The following AGAP1 variants were observed in gnomAD, a reference collection of about 807,000 sequenced individuals.
The protein encoded by AGAP1 is ArfGAP with GTPase domain, ankyrin repeat and PH domain 1.
AGAP1 carries 29 observed loss-of-function variants against 105.3 expected under a neutral mutation model. The observed-to-expected ratio is 0.28, with a 90% confidence interval of 0.21 to 0.38. The LOEUF (loss-of-function observed/expected upper bound fraction) is 0.38. Ranked by LOEUF, AGAP1 falls within the 10% of genes least tolerant of loss-of-function variation. The pLI is 1.00. For missense variants in AGAP1, 998 were observed against 1,165.1 expected, an observed-to-expected ratio of 0.86 and a Z score of 2.09; for synonymous variants, 509 against 485.9, an observed-to-expected ratio of 1.05 and a Z score of -0.63.
chr2:235,516,521 T>A (rs1942394749), intron 1 of AGAP1, among the ~76,000 whole-genome samples: 1 of 152,152 alleles, frequency 6.6e-6, no homozygotes, highest in Non-Finnish European at 1.5e-5. Context: ...AGCCTCTGTT[T>A]CCTCTAGCTT....
chr2:235,816,152 A>G (rs1464729293), intron 9 of AGAP1, among the ~76,000 whole-genome samples: 1 of 152,198 alleles, frequency 6.6e-6, no homozygotes, highest in African/African-American at 2.4e-5. Context: ...TGAAAGAAAG[A>G]TACAGCTGGG....
At chr2:235,698,172 C>T (rs116065647) in intron 1 of AGAP1, among the ~76,000 whole-genome samples, 4,829 of 152,178 alleles carry the variant, frequency 0.032, 270 homozygotes, top group African/African-American at 0.11. Context: ...GGAGCTTGCA[C>T]TCCTGTGAGA....
chr2:236,099,324 G>A (rs559988538), intron 16 of AGAP1, among the ~76,000 whole-genome samples: 9 of 151,834 alleles, frequency 5.9e-5, no homozygotes, highest in African/African-American at 1.2e-4. Flanking sequence ...GCGTGGTGGC[G>A]AGCGCCTGTA....
At chr2:235,704,990 T>C (rs1442945487) in intron 1 of AGAP1, among the ~76,000 whole-genome samples, 31 of 109,030 alleles carry the variant, frequency 2.8e-4, no homozygotes, top group Non-Finnish European at 5.3e-4. Flanking sequence ...TTTTTTTTTT[T>C]TTTTTTGCGA....
intron 12 of AGAP1, among the ~76,000 whole-genome samples, chr2:235,954,416 C>T (rs1263218679): frequency 2.0e-5 from 3 of 151,804 alleles, no homozygotes; most frequent in Admixed American, 6.6e-5. Flanking sequence ...CTCATAGGCA[C>T]GGTGGTTTGT....
At chr2:235,807,355 C>T (rs1957889339) in intron 9 of AGAP1, 24 bp downstream of exon 9, 4 of 1,566,630 alleles carry the variant, frequency 2.6e-6, no homozygotes, top group South Asian at 1.2e-5. Flanking sequence ...CCATCCTTCC[C>T]TCCCTGTCGC....
intron 16 of AGAP1, among the ~76,000 whole-genome samples, chr2:236,117,885 C>A (rs975005564): frequency 3.3e-5 from 5 of 152,002 alleles, no homozygotes; most frequent in Non-Finnish European, 5.9e-5. Flanking sequence ...GTGTTTTTGC[C>A]CGAGTGGGGT....
rs7587505 is a variant in AGAP1 at position 236,050,044 on chromosome 2, G to A, written c.2114+763G>A. On this transcript the variant is annotated intron_variant, in intron 16 of 17. Coordinates refer to ENST00000304032, the MANE Select transcript of AGAP1 (RefSeq NM_001037131.3). This position sits in a 1 kb window ranked among gnomAD's most constrained non-coding sequence, Gnocchi z 4.0. ...CTCATTTTCACCCACAATAGGAAGT[G>A]GGAGGTTGAGGTTTGCTGTCCGTGT... Among the ~76,000 whole-genome samples, 90,636 of 152,078 alleles carry A rather than the reference G, an allele frequency of 0.6. 29,508 individuals are homozygous for A. Among genetic ancestry groups the A allele is most frequent in the African/African-American group, 0.87 (36,016 of 41,502 alleles).
rs1944186608 is a variant in AGAP1, at chr2:235,562,423, G to A, written c.163+67574G>A. On this transcript the variant is annotated intron_variant, in intron 1 of 17. Coordinates refer to ENST00000304032, the MANE Select transcript of AGAP1 (RefSeq NM_001037131.3). ...CCTCTTGTGTGTTTTGGGGCAGAGC[G>A]CCCTGTTCCTGAATAGCACGGATTG... is the stretch of plus-strand genomic sequence containing the variant. Among the ~76,000 whole-genome samples the A allele has an allele frequency of 3.9e-5, 6 of 152,158 alleles. 1 individual carries two copies. In the South Asian group the frequency reaches 8.3e-4, roughly 21 times the overall value.
At chr2:235,797,419 A>G (rs762802434) in intron 6 of AGAP1, among the ~76,000 whole-genome samples, 2 of 151,954 alleles carry the variant, frequency 1.3e-5, no homozygotes, top group African/African-American at 4.8e-5. Flanking sequence ...ACGTTTGTGC[A>G]TTTCAGGCAA....
At chr2:235,771,321 C>T (rs115705104) in intron 6 of AGAP1, among the ~76,000 whole-genome samples, 166 of 152,320 alleles carry the variant, frequency 1.1e-3, no homozygotes, top group African/African-American at 3.8e-3. Context: ...CTCCAGGCTG[C>T]GCCATAGGTG....
rs2054124514 is a variant in AGAP1 at position 235,960,229 on chromosome 2, G to C, written c.1484-8233G>C. Among the ~76,000 whole-genome samples, 1 of 152,160 alleles carries C rather than the reference G, an allele frequency of 6.6e-6. No homozygotes were observed. Among genetic ancestry groups the C allele is most frequent in the South Asian group, 2.1e-4 (1 of 4,826 alleles). On this transcript the variant is annotated intron_variant, in intron 12 of 17. Transcript: ENST00000304032. The surrounding 1 kb of genome is among the most constrained non-coding windows in gnomAD (Gnocchi z 4.9). ...GGTGCTTTGCACACGTCAGTTACTC[G>C]AGTCATAGCCTCCTGAGGACGACTG...
chr2:235,837,185 A>G (rs565094947), intron 9 of AGAP1, among the ~76,000 whole-genome samples: 2 of 152,238 alleles, frequency 1.3e-5, no homozygotes, highest in East Asian at 3.9e-4. Flanking sequence ...GGCTTTCTCT[A>G]TGTTGGTCAG....
At position 235,508,587 on chromosome 2, in the gene AGAP1, C is replaced by T. The variant is rs142229806; in HGVS notation, c.163+13738C>T. Among the ~76,000 whole-genome samples the T allele has an allele frequency of 7.9e-4, 120 of 152,220 alleles. 1 individual carries two copies. The highest frequency in any genetic ancestry group is 5.0e-3 in the South Asian group (24 of 4,828). ...GTTTTGATTACATGAGGAGGAGGCA[C>T]GGAGGCAAGCTGACTGCCTGCGATT... On this transcript the variant is annotated intron_variant, in intron 1 of 17. Transcript: ENST00000304032.
At position 235,867,148 on chromosome 2, in the gene AGAP1, A is replaced by G. The variant is rs1223481458; in HGVS notation, c.1051-16197A>G. ...ATGCAAGAAGGACATTTCAGGGGAA[A>G]AGAATTGAATTTGCCAATTTACATT... On this transcript the variant is annotated intron_variant, in intron 9 of 17. Transcript: ENST00000304032. This position sits in a 1 kb window ranked among gnomAD's most constrained non-coding sequence, Gnocchi z 5.4. 6.6e-6 allele frequency among the ~76,000 whole-genome samples: 1 copy of G among 152,176 alleles called. No individual in the cohort carries two copies. Among genetic ancestry groups the G allele is most frequent in the African/African-American group, 2.4e-5 (1 of 41,448 alleles).
Position 235,586,717 on chromosome 2 carries a change from AAC to A in AGAP1, c.163+91872_163+91873del, listed in dbSNP as rs1392579311. 5.9e-5 allele frequency among the ~76,000 whole-genome samples: 9 copies of A among 152,314 alleles called. No individual in the cohort carries two copies. Among genetic ancestry groups the A allele is most frequent in the African/African-American group, 1.9e-4 (8 of 41,562 alleles). ...TACAGTACGGCTTCTATGTGTGAAC[AAC>A]ACAGACCACTAAGAGATGTGACAAA... On this transcript the variant is annotated intron_variant, in intron 1 of 17. Coordinates refer to ENST00000304032, the MANE Select transcript of AGAP1 (RefSeq NM_001037131.3). The surrounding 1 kb of genome is among the most constrained non-coding windows in gnomAD (Gnocchi z 4.2).
rs1183603162 is a variant in AGAP1, at chr2:235,769,564, T to A, written c.673+19076T>A. Among the ~76,000 whole-genome samples the A allele has an allele frequency of 1.3e-5, 2 of 152,210 alleles. No individual in the cohort carries two copies. The highest frequency in any genetic ancestry group is 4.8e-5 in the African/African-American group (2 of 41,454). On this transcript the variant is annotated intron_variant, in intron 6 of 17. Coordinates refer to ENST00000304032, the MANE Select transcript of AGAP1 (RefSeq NM_001037131.3). The surrounding 1 kb of genome is among the most constrained non-coding windows in gnomAD (Gnocchi z 4.4). The stretch of plus-strand genomic sequence containing the variant: ...TGTTAAAGAAATGCAAACAGTTAGT[T>A]GTTCCGTTCATGCTGTTGCGTGAGA...
intron 4 of AGAP1, among the ~76,000 whole-genome samples, chr2:235,742,101 C>T (rs536843535): frequency 1.3e-5 from 2 of 152,356 alleles, no homozygotes; most frequent in South Asian, 4.1e-4. Flanking sequence ...CTAGTGACCT[C>T]AAATGCAAAC....
rs1263555650 is a variant in AGAP1, at chr2:235,866,165, G to A, written c.1051-17180G>A. ...ATGCCCTGTGCGCATCTTTATTTTT[G>A]GTTTTAGATTTTTGGTGGACTGCTT... On this transcript the variant is annotated intron_variant, in intron 9 of 17. Coordinates refer to ENST00000304032, the MANE Select transcript of AGAP1 (RefSeq NM_001037131.3). The surrounding 1 kb of genome is among the most constrained non-coding windows in gnomAD (Gnocchi z 6.1). Among the ~76,000 whole-genome samples the A allele has an allele frequency of 6.6e-6, 1 of 152,068 alleles. No homozygotes were observed. Among genetic ancestry groups the A allele is most frequent in the African/African-American group, 2.4e-5 (1 of 41,412 alleles).
Sources: gnomAD v4.1 joint callset for allele counts (sites outside exome capture counted in the v4.1 genomes callset) on GRCh38, gnomAD v4.1.1 for gene constraint, Gnocchi (gnomAD v3.1) non-coding constraint, MANE v1.5 for transcripts, NCBI Gene and HGNC (gene_info 2026-07-23, HGNC 2026-07-21) for gene names.